The following TENT5B variants were observed in gnomAD, a reference collection of about 807,000 sequenced individuals.
TENT5B encodes terminal nucleotidyltransferase 5B, also known as family with sequence similarity 46 member B.
TENT5B carries 12 observed loss-of-function variants against 21.7 expected under a neutral mutation model. The ratio of observed to expected loss-of-function variants is 0.55; its 90% CI spans 0.36 to 0.90. The LOEUF (loss-of-function observed/expected upper bound fraction) is 0.90. Ranked by LOEUF, TENT5B falls within the 40% of genes least tolerant of loss-of-function variation. TENT5B has a pLI of 0.01. For synonymous variants in TENT5B, 262 were observed against 266.6 expected, an observed-to-expected ratio of 0.98 and a Z score of 0.17; for missense variants, 540 against 601.5, an observed-to-expected ratio of 0.90 and a Z score of 1.07.
chr1:27,006,147 T>A lies in TENT5B; in HGVS notation c.1075A>T (p.Asn359Tyr). The change falls in exon 2 of 2, where the codon AAC becomes TAC. Residue 359 changes from asparagine to tyrosine, a missense_variant. Transcript: ENST00000289166. The surrounding 1 kb of genome is among the most constrained non-coding windows in gnomAD (Gnocchi z 9.4). ...TCCAGCGTCTGGCGGCGCTCGTGGT[T>A]CATGAGGCACACGGTGCTCTCGTTG... ...VVNESTVCLMNHERRQTLDLI... is the reference protein window; with the variant it reads ...VVNESTVCLMYHERRQTLDLI... 1 of 1,608,934 alleles carries A rather than the reference T, an allele frequency of 6.2e-7. No homozygotes were observed. Among genetic ancestry groups the A allele is most frequent in the Non-Finnish European group, 8.5e-7 (1 of 1,177,024 alleles).
chr1:27,012,823 C>G lies in TENT5B; in HGVS notation c.-153G>C. Reference sequence around the variant, plus strand: ...AGACAAAGCCAGGGAACACCTCAGACGGCGACGACTAACCGACCCTAGCGC... The same window carrying G: ...AGACAAAGCCAGGGAACACCTCAGAGGGCGACGACTAACCGACCCTAGCGC... On this transcript the variant is annotated 5_prime_UTR_variant, in exon 1 of 2. Transcript: ENST00000289166. 2 of 1,029,132 alleles carry G rather than the reference C, an allele frequency of 1.9e-6. No individual in the cohort carries two copies. Among genetic ancestry groups the G allele is most frequent in the Non-Finnish European group, 2.6e-6 (2 of 762,436 alleles). 63.8% of individuals were successfully genotyped at this position (1,029,132 alleles called of 1,614,324 possible). A position where few individuals can be genotyped will look rare whatever the true frequency, so the allele number is the denominator to read the frequency against.
chr1:27,011,279 T>C (rs942375152), intron 1 of TENT5B, among the ~76,000 whole-genome samples: 3 of 152,110 alleles, frequency 2.0e-5, no homozygotes, highest in Non-Finnish European at 4.4e-5. Flanking sequence ...CCTCCCCCTC[T>C]GTGGGAAGCC....
Position 27,012,637 on chromosome 1 carries a change from C to A in TENT5B, c.34G>T (p.Asp12Tyr), listed in dbSNP as rs1209165154. 7.3e-6 allele frequency: 11 copies of A among 1,506,516 alleles called. No individual in the cohort carries two copies. Among genetic ancestry groups the A allele is most frequent in the Non-Finnish European group, 9.7e-6 (11 of 1,137,354 alleles). 93.3% of individuals were successfully genotyped at this position (1,506,516 alleles called of 1,614,324 possible). A position where few individuals can be genotyped will look rare whatever the true frequency, so the allele number is the denominator to read the frequency against. ...MPSESGAERR[D>Y]RAAAQVGTAA... is the part of the protein sequence containing the mutation. ...GTCCCCACCTGAGCAGCCGCCCGGT[C>A]CCTGCGCTCAGCTCCGCTCTCCGAC... Residue 12 changes from aspartate to tyrosine, a missense_variant, in exon 1 of 2, where the codon GAC (aspartate) becomes TAC (tyrosine). Coordinates refer to ENST00000289166, the MANE Select transcript of TENT5B (RefSeq NM_052943.4).
At chr1:27,009,846 T>A (rs2082616196) in intron 1 of TENT5B, among the ~76,000 whole-genome samples, 1 of 152,214 alleles carries the variant, frequency 6.6e-6, no homozygotes, top group Non-Finnish European at 1.5e-5. Context: ...CGCTGTTGTC[T>A]CCTTCCCAGG....
chr1:27,007,329 A>G (rs567356999), intron 1 of TENT5B, among the ~76,000 whole-genome samples: 22 of 152,232 alleles, frequency 1.4e-4, no homozygotes, highest in African/African-American at 5.3e-4. Flanking sequence ...AGAGGGGCCA[A>G]GTAACTAGCT....
intron 1 of TENT5B, among the ~76,000 whole-genome samples, chr1:27,008,783 GTAGA>G (rs1182046765): frequency 8.6e-5 from 13 of 151,738 alleles, no homozygotes; most frequent in Middle Eastern, 3.2e-3. Flanking sequence ...TGTATTTTTA[GTAGA>G]GAGAGGGTTT....
rs535403402 is a variant in TENT5B at position 27,005,476 on chromosome 1, T to C, written c.*468A>G. 8.2e-5 allele frequency: 13 copies of C among 158,196 alleles called. No homozygotes were observed. Among genetic ancestry groups the C allele is most frequent in the Non-Finnish European group, 1.7e-4 (12 of 71,968 alleles). 9.8% of individuals were successfully genotyped at this position (158,196 alleles called of 1,614,324 possible). ...CATCAGGCCCTGTAGTGGCCCAGCC[T>C]GATCCAAAGTGACAAGTCCCTGTAA... is the stretch of plus-strand genomic sequence containing the variant. On this transcript the variant is annotated 3_prime_UTR_variant, in exon 2 of 2. Transcript: ENST00000289166.
At chr1:27,007,117 T>TG (rs1371865839) in intron 1 of TENT5B, among the ~76,000 whole-genome samples, 160 bp from the exon 2 acceptor site, 2 of 11,362 alleles carry the variant, frequency 1.8e-4, no homozygotes, top group East Asian at 3.8e-3. Context: ...TGGGTGGGGG[T>TG]GGGGGGGTTG....
At chr1:27,010,638 T>C (rs1056846216) in intron 1 of TENT5B, among the ~76,000 whole-genome samples, 5 of 152,146 alleles carry the variant, frequency 3.3e-5, no homozygotes, top group African/African-American at 9.7e-5. Context: ...GCAAAGAGAA[T>C]TGACAACAAA....
At chr1:27,011,149 AGGAAT>A (rs1216426493) in intron 1 of TENT5B, among the ~76,000 whole-genome samples, 1 of 152,058 alleles carries the variant, frequency 6.6e-6, no homozygotes, top group Non-Finnish European at 1.5e-5. Context: ...CGAGCAGCCG[AGGAAT>A]GCCTCGGCGA....
rs982787607 is a variant in TENT5B at position 27,012,659 on chromosome 1, C to G, written c.12G>C (p.Ser4=). The change falls in exon 1 of 2, where the codon TCG becomes TCC. Residue 4 remains serine, a synonymous_variant. Transcript: ENST00000289166. ...GGTCCCTGCGCTCAGCTCCGCTCTCCGACGGCATCATCCGCCCGGCCCCCG... is the reference window on the plus strand; with the variant it reads ...GGTCCCTGCGCTCAGCTCCGCTCTCGGACGGCATCATCCGCCCGGCCCCCG... MMP[S]ESGAERRDRA... 2 of 1,468,600 alleles carry G rather than the reference C, an allele frequency of 1.4e-6. No individual in the cohort carries two copies. Among genetic ancestry groups the G allele is most frequent in the African/African-American group, 1.5e-5 (1 of 66,878 alleles). 91.0% of individuals were successfully genotyped at this position (1,468,600 alleles called of 1,614,324 possible). A position where few individuals can be genotyped will look rare whatever the true frequency, so the allele number is the denominator to read the frequency against.
In TENT5B at chr1:27,012,685, G is replaced by C. The variant is rs746292601; in HGVS notation, c.-15C>G. 2 of 1,453,154 alleles carry C rather than the reference G, an allele frequency of 1.4e-6. No individual in the cohort carries two copies. The highest frequency in any genetic ancestry group is 2.5e-4 in the Middle Eastern group (1 of 4,076). 90.0% of individuals were successfully genotyped at this position (1,453,154 alleles called of 1,614,324 possible). On this transcript the variant is annotated 5_prime_UTR_variant, in exon 1 of 2. Transcript: ENST00000289166. ...GACGGCATCATCCGCCCGGCCCCCG[G>C]GCCCCGACGGCAGAAACCGTGGGGG...
In TENT5B at chr1:27,012,802, A is replaced by G; in HGVS notation, c.-132T>C. On this transcript the variant is annotated 5_prime_UTR_variant, in exon 1 of 2. Coordinates refer to ENST00000289166, the MANE Select transcript of TENT5B (RefSeq NM_052943.4). ...GACGGGGCGGCAACGACGGCGAGACAAAGCCAGGGAACACCTCAGACGGCG... is the reference window on the plus strand; with the variant it reads ...GACGGGGCGGCAACGACGGCGAGACGAAGCCAGGGAACACCTCAGACGGCG... 1 of 1,182,772 alleles carries G rather than the reference A, an allele frequency of 8.5e-7. No homozygotes were observed. The highest frequency in any genetic ancestry group is 1.1e-6 in the Non-Finnish European group (1 of 900,042). The allele number at this position is 1,182,772 out of a possible 1,614,324, so 73.3% of individuals were successfully genotyped here.
chr1:27,007,659 T>C (rs114324038), intron 1 of TENT5B, among the ~76,000 whole-genome samples: 6,829 of 152,182 alleles, frequency 0.045, 203 homozygotes, highest in Non-Finnish European at 0.063. Context: ...GCTGGGATTA[T>C]AGGCGTGAGC....
At chr1:27,011,647 A>T (rs191284257) in intron 1 of TENT5B, among the ~76,000 whole-genome samples, 86 of 152,342 alleles carry the variant, frequency 5.6e-4, no homozygotes, top group African/African-American at 2.0e-3. Flanking sequence ...GTTGAGGTTC[A>T]GATAAAGGGA....
intron 1 of TENT5B, among the ~76,000 whole-genome samples, chr1:27,008,356 C>G (rs751992507): frequency 6.6e-6 from 1 of 152,106 alleles, no homozygotes; most frequent in African/African-American, 2.4e-5. Flanking sequence ...AAGAATGCAC[C>G]TAAGTGCTGA....
At chr1:27,012,377 C>T (rs1416831816) in intron 1 of TENT5B, 30 bp downstream of exon 1, 2 of 1,600,908 alleles carry the variant, frequency 1.2e-6, no homozygotes, top group Non-Finnish European at 1.7e-6. Context: ...GAAGGGATTC[C>T]CCCACATCCC....
rs146612874 is a variant in TENT5B, at chr1:27,006,210, G to A, written c.1012C>T (p.Arg338Cys). The A allele has an allele frequency of 7.5e-5, 120 of 1,609,998 alleles. No individual in the cohort carries two copies. The highest frequency in any genetic ancestry group is 8.1e-5 in the Non-Finnish European group (96 of 1,178,860). The change falls in exon 2 of 2, where the codon CGC (arginine) becomes TGC (cysteine). Residue 338 changes from arginine (R) to cysteine (C), a missense_variant. Coordinates refer to ENST00000289166, the MANE Select transcript of TENT5B (RefSeq NM_052943.4). This position sits in a 1 kb window ranked among gnomAD's most constrained non-coding sequence, Gnocchi z 9.4. ...AGTGTCACCAGGCAGGCGTAACGGC[G>A]GGCTGCATCTGCCCCACCGAAGTGG... Reference protein sequence around the residue: ...EAHFGGADAARRYACLVTLHR... With the variant: ...EAHFGGADAACRYACLVTLHR...
chr1:27,006,844 C>A lies in TENT5B; in HGVS notation c.378G>T (p.Leu126=), dbSNP rs780246030. ...GCAGGTCCACCCGGAACACCAGGTC[C>A]AGATCCTTGTAGCCCAGGCCACTCT... The part of the protein sequence containing the change: ...HPESGLGYKD[L]DLVFRVDLRS... The change falls in exon 2 of 2, where the codon CTG becomes CTT. Residue 126 remains leucine (L), a synonymous_variant. Coordinates refer to ENST00000289166, the MANE Select transcript of TENT5B (RefSeq NM_052943.4). This position sits in a 1 kb window ranked among gnomAD's most constrained non-coding sequence, Gnocchi z 9.4. 6.2e-7 allele frequency: 1 copy of A among 1,614,076 alleles called. No homozygotes were observed. Among genetic ancestry groups the A allele is most frequent in the South Asian group, 1.1e-5 (1 of 91,088 alleles).
Sources: allele counts gnomAD v4.1 joint callset (sites outside exome capture counted in the v4.1 genomes callset), GRCh38; gene constraint gnomAD v4.1.1; non-coding constraint Gnocchi (gnomAD v3.1); transcripts MANE v1.5; gene names NCBI Gene and HGNC (gene_info 2026-07-23, HGNC 2026-07-21).